CLU: variants seen among roughly 807,000 people sequenced by gnomAD.
CLU encodes clusterin, also known as aging-associated protein 4.
Under a neutral mutation model 46.4 loss-of-function variants are expected in CLU, and 25 were observed. The observed-to-expected ratio is 0.54, with a 90% CI of 0.39 to 0.75. The LOEUF (loss-of-function observed/expected upper bound fraction) is 0.75. CLU is among the 30% of genes least tolerant of loss of function. The pLI is 0.00. For synonymous variants in CLU, 235 were observed against 235.1 expected, an observed-to-expected ratio of 1.00 and a Z score of 0.00; for missense variants, 504 against 592.1, an observed-to-expected ratio of 0.85 and a Z score of 1.54.
chr8:27,609,888 C>A (rs1053177861), intron 2 of CLU, among the ~76,000 whole-genome samples: 1 of 152,074 alleles, frequency 6.6e-6, no homozygotes, highest in Non-Finnish European at 1.5e-5. Context: ...GTCATCATTT[C>A]AATGTATGTG....
intron 6 of CLU, among the ~76,000 whole-genome samples, chr8:27,602,005 C>T (rs969228828): frequency 1.1e-4 from 16 of 152,096 alleles, no homozygotes; most frequent in African/African-American, 3.4e-4. Flanking sequence ...GCAGGAGAAT[C>T]GCTTGAACCC....
intron 6 of CLU, 175 bp downstream of exon 6, chr8:27,604,116 G>A: frequency 1.6e-6 from 1 of 634,798 alleles, no homozygotes; most frequent in Admixed American, 2.3e-5. Context: ...TCTAAGATGA[G>A]GAACCGAAGC....
rs763452549 is a variant in CLU at position 27,598,104 on chromosome 8, G to C, written c.*137C>G. The C allele has an allele frequency of 1.3e-6, 1 of 781,456 alleles. No individual in the cohort carries two copies. Among genetic ancestry groups the C allele is most frequent in the South Asian group, 1.4e-5 (1 of 69,344 alleles). 48.4% of individuals were successfully genotyped at this position (781,456 alleles called of 1,614,324 possible). ...AGTGCAGGATCCAGAGCGGGGAGAGGCTGGGCGGAGTTGGGGGCCTGGAGG... is the reference window on the plus strand; with the variant it reads ...AGTGCAGGATCCAGAGCGGGGAGAGCCTGGGCGGAGTTGGGGGCCTGGAGG... On this transcript the variant is annotated 3_prime_UTR_variant, in exon 9 of 9. Coordinates refer to ENST00000316403, the MANE Select transcript of CLU (RefSeq NM_001831.4).
chr8:27,598,169 G>C lies in CLU; in HGVS notation c.*72C>G. 6.5e-7 allele frequency: 1 copy of C among 1,532,976 alleles called. No individual in the cohort carries two copies. The highest frequency in any genetic ancestry group is 9.0e-7 in the Non-Finnish European group (1 of 1,108,980). The allele number at this position is 1,532,976 out of a possible 1,614,324, so 95.0% of individuals were successfully genotyped here. A position where few individuals can be genotyped will look rare whatever the true frequency, so the allele number is the denominator to read the frequency against. ...CTTGGTGACGTGCAGAGCTCTCTCT[G>C]GGGGGCTGCAGCTCATCTTGGGGGG... On this transcript the variant is annotated 3_prime_UTR_variant, in exon 9 of 9. Coordinates refer to ENST00000316403, the MANE Select transcript of CLU (RefSeq NM_001831.4).
intron 1 of CLU, among the ~76,000 whole-genome samples, chr8:27,612,349 T>G (rs2128910708): frequency 6.6e-6 from 1 of 152,288 alleles, no homozygotes; most frequent in Admixed American, 6.5e-5. Context: ...ATCTGTAAAA[T>G]GGATCTAATC....
intron 5 of CLU, among the ~76,000 whole-genome samples, chr8:27,604,660 G>A (rs1051707187): frequency 6.6e-6 from 1 of 151,904 alleles, no homozygotes; most frequent in Admixed American, 6.6e-5. Context: ...TTTTATTTTT[G>A]TAGAGACAGG....
intron 6 of CLU, among the ~76,000 whole-genome samples, chr8:27,603,760 T>C (rs1284716800): frequency 1.3e-5 from 2 of 152,150 alleles, no homozygotes; most frequent in Non-Finnish European, 2.9e-5. Context: ...AGCTCGCCCA[T>C]GTCGGGGTCA....
intron 6 of CLU, among the ~76,000 whole-genome samples, chr8:27,603,521 C>T (rs1235839681): frequency 6.6e-6 from 1 of 152,154 alleles, no homozygotes; most frequent in Non-Finnish European, 1.5e-5. Flanking sequence ...AGGAACTAGT[C>T]CAAATACTGT....
chr8:27,612,412 A>G (rs1281956783), intron 1 of CLU, among the ~76,000 whole-genome samples: 1 of 152,244 alleles, frequency 6.6e-6, no homozygotes, highest in Non-Finnish European at 1.5e-5. Context: ...TTATGTAATC[A>G]TAGTAAATTC....
At chr8:27,608,834 A>T in intron 3 of CLU, 104 bp downstream of exon 3, 1 of 1,187,842 alleles carries the variant, frequency 8.4e-7, no homozygotes, top group Non-Finnish European at 1.3e-6. Flanking sequence ...GCCTGGGAGG[A>T]CTGCGGGTCA....
At chr8:27,604,627 C>T (rs921300265) in intron 5 of CLU, among the ~76,000 whole-genome samples, 8 of 152,070 alleles carry the variant, frequency 5.3e-5, no homozygotes, top group African/African-American at 1.9e-4. Context: ...TGTGCACCAC[C>T]ACACCCGGCT....
Position 27,597,360 on chromosome 8 carries a change from A to C in CLU, c.*881T>G, listed in dbSNP as rs9331947. ...CAGCGTAGGGTACTGCAGCCCAGCT[A>C]TGGTTCAGACTAAAAGCCGAGAAAC... On this transcript the variant is annotated 3_prime_UTR_variant, in exon 9 of 9. Coordinates refer to ENST00000316403, the MANE Select transcript of CLU (RefSeq NM_001831.4). The C allele has an allele frequency of 1.3e-5, 6 of 454,064 alleles. No homozygotes were observed. The highest frequency in any genetic ancestry group is 1.2e-4 in the African/African-American group (6 of 49,938). 28.1% of individuals were successfully genotyped at this position (454,064 alleles called of 1,614,324 possible).
Position 27,597,993 on chromosome 8 carries a change from C to A in CLU, c.*248G>T. ...CAACATAAAAAGAGGACCCTCCAAGCGATCAGCTCACAAGACAGTTTTATT... is the reference window on the plus strand; with the variant it reads ...CAACATAAAAAGAGGACCCTCCAAGAGATCAGCTCACAAGACAGTTTTATT... On this transcript the variant is annotated 3_prime_UTR_variant, in exon 9 of 9. Coordinates refer to ENST00000316403, the MANE Select transcript of CLU (RefSeq NM_001831.4). The A allele has an allele frequency of 1.5e-6, 1 of 678,658 alleles. No individual in the cohort carries two copies. Among genetic ancestry groups the A allele is most frequent in the Non-Finnish European group, 2.7e-6 (1 of 371,758 alleles). 42.0% of individuals were successfully genotyped at this position (678,658 alleles called of 1,614,324 possible).
intron 1 of CLU, chr8:27,611,650 A>G (rs1391382977): frequency 2.2e-6 from 1 of 457,844 alleles, no homozygotes; most frequent in Admixed American, 2.3e-5. Flanking sequence ...CCTTCCTGAA[A>G]TGGTTCACAT....
intron 6 of CLU, among the ~76,000 whole-genome samples, chr8:27,603,759 A>C (rs751928134): frequency 6.6e-6 from 1 of 152,100 alleles, no homozygotes. Flanking sequence ...CAGCTCGCCC[A>C]TGTCGGGGTC....
In CLU at chr8:27,597,237, A is replaced by G. The variant is rs1461102425; in HGVS notation, c.*1004T>C. The G allele has an allele frequency of 8.8e-6, 4 of 454,412 alleles. No individual in the cohort carries two copies. Among genetic ancestry groups the G allele is most frequent in the Admixed American group, 7.0e-5 (3 of 42,566 alleles). 28.1% of individuals were successfully genotyped at this position (454,412 alleles called of 1,614,324 possible). On this transcript the variant is annotated 3_prime_UTR_variant, in exon 9 of 9. Transcript: ENST00000316403. ...GATGAGTTTTGTTCCATTGCAGTAC[A>G]TCTGATGACCAGAATTCTATCAGAG...
intron 6 of CLU, among the ~76,000 whole-genome samples, chr8:27,601,751 G>A (rs1444440318): frequency 1.3e-5 from 2 of 152,120 alleles, no homozygotes; most frequent in African/African-American, 4.8e-5. Context: ...CAAGATGCCA[G>A]TTTGAAAATA....
In CLU at chr8:27,605,092, G is replaced by A. The variant is rs1800795247; in HGVS notation, c.661C>T (p.Pro221Ser). 2 of 1,614,172 alleles carry A rather than the reference G, an allele frequency of 1.2e-6. No individual in the cohort carries two copies. The highest frequency in any genetic ancestry group is 1.7e-6 in the Non-Finnish European group (2 of 1,180,032). ...AAGCTGCGGACGATGCGGGACTTGG[G>A]AAAGAAGAAGTGAGGCCTCCGGTGG... is the stretch of plus-strand genomic sequence containing the variant. ...LPHRRPHFFF[P>S]KSRIVRSLMP... Residue 221 changes from proline (P) to serine (S), a missense_variant, in exon 5 of 9, where the codon CCC becomes TCC. This residue lies in a region of CLU where 428 missense variants were observed against 484.0 expected (regional missense o/e 0.88). Coordinates refer to ENST00000316403, the MANE Select transcript of CLU (RefSeq NM_001831.4).
At chr8:27,610,346 C>T in intron 2 of CLU, 129 bp downstream of exon 2, 1 of 798,486 alleles carries the variant, frequency 1.3e-6, no homozygotes. Flanking sequence ...GGCACCCAGA[C>T]CCAGTGCACA....
Sources: gnomAD v4.1 joint callset for allele counts (sites outside exome capture counted in the v4.1 genomes callset) on GRCh38, gnomAD v4.1.1 for gene constraint, gnomAD v4.1.1 regional missense constraint, MANE v1.5 for transcripts, NCBI Gene and HGNC (gene_info 2026-07-23, HGNC 2026-07-21) for gene names.